The following DOCK8 variants were observed in gnomAD, a reference collection of about 807,000 sequenced individuals.
The protein encoded by DOCK8 is dedicator of cytokinesis protein 8.
In DOCK8, 141 loss-of-function variants were observed where a neutral mutation model predicts 245.6. That is an observed-to-expected ratio of 0.57 (90% confidence interval 0.50 to 0.66). The LOEUF (loss-of-function observed/expected upper bound fraction) is 0.66. Among genes scored for constraint, DOCK8 ranks in the 30% least tolerant of loss-of-function variants. The pLI, the probability that DOCK8 is intolerant of heterozygous loss-of-function variation, is 0.00. For missense variants in DOCK8, 2,965 were observed against 2,603.4 expected (o/e 1.14, Z -3.02); for synonymous variants, 1,168 against 970.2 (o/e 1.20, Z -3.79).
intron 1 of DOCK8, among the ~76,000 whole-genome samples, chr9:219,451 CAG>C (rs1341208695): frequency 6.6e-6 from 1 of 151,904 alleles, no homozygotes; most frequent in African/African-American, 2.4e-5. Flanking sequence ...GCCTGGGCGA[CAG>C]AGTGACACTC....
At chr9:446,949 A>G (rs908482734) in intron 44 of DOCK8, among the ~76,000 whole-genome samples, 14 of 151,974 alleles carry the variant, frequency 9.2e-5, no homozygotes, top group African/African-American at 3.4e-4. Flanking sequence ...AAATTTTTCT[A>G]TATTTCAAAG....
At chr9:448,902 C>G (rs1175741618) in intron 44 of DOCK8, among the ~76,000 whole-genome samples, 4 of 152,188 alleles carry the variant, frequency 2.6e-5, no homozygotes, top group Non-Finnish European at 5.9e-5. Context: ...ACCAGCAGAA[C>G]TTAGCAAATA....
At chr9:257,137 C>G (rs1451509064) in intron 1 of DOCK8, among the ~76,000 whole-genome samples, 1 of 152,108 alleles carries the variant, frequency 6.6e-6, no homozygotes, top group Admixed American at 6.5e-5. Flanking sequence ...ATCCTCCAAA[C>G]TAAAATAAAT....
intron 10 of DOCK8, 68 bp from the exon 11 acceptor site, chr9:334,157 T>G: frequency 6.3e-7 from 1 of 1,575,160 alleles, no homozygotes; most frequent in Non-Finnish European, 8.7e-7. Context: ...GGCTGTCATA[T>G]TCAGGTCAGA....
chr9:365,503 A>G, intron 14 of DOCK8: 1 of 432,182 alleles, frequency 2.3e-6, no homozygotes, highest in South Asian at 1.7e-5. Context: ...AGCATATATC[A>G]TGCTTCTATT....
intron 1 of DOCK8, among the ~76,000 whole-genome samples, chr9:244,957 G>A (rs909738699): frequency 3.3e-5 from 5 of 152,174 alleles, no homozygotes; most frequent in Non-Finnish European, 7.3e-5. Context: ...CTCTCCAGGG[G>A]CAGGGCAGAC....
intron 14 of DOCK8, among the ~76,000 whole-genome samples, chr9:342,755 A>G (rs927732609): frequency 2.6e-5 from 4 of 152,166 alleles, no homozygotes; most frequent in Non-Finnish European, 5.9e-5. Context: ...GGTGTGAGCC[A>G]CCATGCCCAT....
intron 26 of DOCK8, among the ~76,000 whole-genome samples, chr9:403,655 G>T (rs1222999190): frequency 6.6e-6 from 1 of 151,770 alleles, no homozygotes; most frequent in African/African-American, 2.4e-5. Flanking sequence ...CCTGAGGCCA[G>T]GAGTTCGAGA....
At chr9:397,955 T>C (rs751480113) in intron 25 of DOCK8, among the ~76,000 whole-genome samples, 3 of 152,222 alleles carry the variant, frequency 2.0e-5, no homozygotes, top group Admixed American at 6.5e-5. Flanking sequence ...CTAAAACATA[T>C]ATAAAATGGA....
chr9:252,262 C>G (rs551922312), intron 1 of DOCK8, among the ~76,000 whole-genome samples: 6 of 151,844 alleles, frequency 4.0e-5, no homozygotes, highest in African/African-American at 1.4e-4. Flanking sequence ...CGTGAGCCAC[C>G]GTGCCCAGCC....
intron 1 of DOCK8, among the ~76,000 whole-genome samples, chr9:244,346 A>T (rs2047453213): frequency 6.6e-6 from 1 of 152,024 alleles, no homozygotes. Context: ...TTCCATTTCC[A>T]ATTCATTCAA....
At chr9:223,677 T>C (rs1328446161) in intron 1 of DOCK8, among the ~76,000 whole-genome samples, 3 of 151,940 alleles carry the variant, frequency 2.0e-5, no homozygotes, top group Admixed American at 6.6e-5. Flanking sequence ...TCAAAAAATA[T>C]AGAAAATACA....
At chr9:439,067 C>T (rs1344956818) in intron 39 of DOCK8, among the ~76,000 whole-genome samples, 178 bp from the exon 40 acceptor site, 4 of 152,114 alleles carry the variant, frequency 2.6e-5, no homozygotes, top group African/African-American at 4.8e-5. Flanking sequence ...TTGCTCAGTG[C>T]GCCTCTTCTA....
chr9:395,343 G>A (rs867500510), intron 24 of DOCK8, among the ~76,000 whole-genome samples: 1 of 152,008 alleles, frequency 6.6e-6, no homozygotes, highest in Non-Finnish European at 1.5e-5. Flanking sequence ...TTCTTATTTT[G>A]CCTTCCCTTT....
chr9:285,738 CTG>C lies in DOCK8; in HGVS notation c.157-720_157-719del, dbSNP rs567526802. Among the ~76,000 whole-genome samples the C allele has an allele frequency of 1.0e-3, 159 of 152,228 alleles. 1 individual carries two copies. The highest frequency in any genetic ancestry group is 3.6e-3 in the African/African-American group (151 of 41,532). On this transcript the variant is annotated intron_variant, in intron 2 of 47. Transcript: ENST00000432829. ...TTTCTTTTACTCCCCCTCTTTCCAA[CTG>C]TGGAAGGTAAAATTGAAGAGCAAAG...
intron 1 of DOCK8, among the ~76,000 whole-genome samples, chr9:225,639 A>T (rs191128188): frequency 2.8e-4 from 42 of 152,350 alleles, no homozygotes; most frequent in African/African-American, 9.4e-4. Context: ...GGATAGAGTC[A>T]TGAATAAGAT....
upstream of DOCK8, among the ~76,000 whole-genome samples, chr9:211,571 G>T (rs2046620601): frequency 6.6e-6 from 1 of 152,136 alleles, no homozygotes; most frequent in African/African-American, 2.4e-5. Context: ...GGACCGGAAT[G>T]AAAGCCACTG....
intron 47 of DOCK8, 138 bp downstream of exon 47, chr9:463,825 G>A (rs2057888748): frequency 6.9e-6 from 7 of 1,018,700 alleles, no homozygotes; most frequent in Non-Finnish European, 8.9e-6. Context: ...CAGTCAGAGA[G>A]GCTACCAGAG....
chr9:310,744 A>G (rs1259444692), intron 5 of DOCK8, among the ~76,000 whole-genome samples: 2 of 152,236 alleles, frequency 1.3e-5, no homozygotes, highest in East Asian at 3.8e-4. Flanking sequence ...TACAGGCATG[A>G]GCCCAATATT....
Sources: gnomAD v4.1 joint callset for allele counts (sites outside exome capture counted in the v4.1 genomes callset) on GRCh38, gnomAD v4.1.1 for gene constraint, MANE v1.5 for transcripts, NCBI Gene and HGNC (gene_info 2026-07-23, HGNC 2026-07-21) for gene names.